GALNT3: variants seen among roughly 807,000 people sequenced by gnomAD.
GALNT3 encodes the protein GalNAc transferase 3.
In GALNT3, 51 loss-of-function variants were observed where a neutral mutation model predicts 69.8. That is an observed-to-expected ratio of 0.73 (90% CI 0.58 to 0.92). GALNT3 has a LOEUF of 0.92. Among genes scored for constraint, GALNT3 ranks in the 40% least tolerant of loss-of-function variants. The pLI is 0.00. For synonymous variants in GALNT3, 265 were observed against 248.5 expected, an observed-to-expected ratio of 1.07 and a Z score of -0.63; for missense variants, 711 against 760.0, an observed-to-expected ratio of 0.94 and a Z score of 0.76.
intron 1 of GALNT3, among the ~76,000 whole-genome samples, chr2:165,784,016 C>A (rs1683168197): frequency 6.6e-6 from 1 of 152,166 alleles, no homozygotes; most frequent in Non-Finnish European, 1.5e-5. Context: ...ATGGTTAAGG[C>A]ACAAGAAAAG....
chr2:165,764,998 C>T lies in GALNT3; in HGVS notation c.574G>A (p.Val192Ile). 6.2e-7 allele frequency: 1 copy of T among 1,614,170 alleles called. No individual in the cohort carries two copies. Among genetic ancestry groups the T allele is most frequent in the South Asian group, 1.1e-5 (1 of 91,088 alleles). Residue 192 changes from valine (V) to isoleucine (I), a missense_variant, in exon 3 of 11, where the codon GTT becomes ATT. Coordinates refer to ENST00000392701, the MANE Select transcript of GALNT3 (RefSeq NM_004482.4). ...PPLPTTSVII[V>I]FHNEAWSTLL... ...GTGGACCACGCTTCATTATGAAAAACTATTATGACACTGGTGGTGGGCAGG... is the reference window on the plus strand; with the variant it reads ...GTGGACCACGCTTCATTATGAAAAATTATTATGACACTGGTGGTGGGCAGG...
At position 165,748,675 on chromosome 2, in the gene GALNT3, G is replaced by T; in HGVS notation, c.*106C>A. ...AATAAGAAAAATGCACTTGGAATAA[G>T]TTACATTTAGCTGCTTTTGCATAAT... On this transcript the variant is annotated 3_prime_UTR_variant, in exon 11 of 11. Transcript: ENST00000392701. The T allele has an allele frequency of 9.6e-7, 1 of 1,040,110 alleles. No individual in the cohort carries two copies. The highest frequency in any genetic ancestry group is 1.4e-6 in the Non-Finnish European group (1 of 701,666). 64.4% of individuals were successfully genotyped at this position (1,040,110 alleles called of 1,614,324 possible).
At chr2:165,776,683 T>C (rs1010111543) in intron 1 of GALNT3, among the ~76,000 whole-genome samples, 4 of 152,142 alleles carry the variant, frequency 2.6e-5, no homozygotes, top group African/African-American at 9.7e-5. Context: ...TTGCAAAAAG[T>C]CATTAATAAA....
chr2:165,775,248 G>A (rs1409410632), intron 1 of GALNT3, among the ~76,000 whole-genome samples: 8 of 151,470 alleles, frequency 5.3e-5, no homozygotes, highest in Non-Finnish European at 1.2e-4. Context: ...TAAATAAAAG[G>A]CGATAAGAAA....
intron 2 of GALNT3, among the ~76,000 whole-genome samples, chr2:165,769,407 A>AAATAATAATAATAAT (rs35161167): frequency 8.4e-4 from 111 of 131,384 alleles, no homozygotes; most frequent in Non-Finnish European, 9.6e-4. Context: ...CTCCATCTCA[A>AAATAATAATAATAAT]AATAATAATA....
At chr2:165,752,122 C>T (rs1471716240) in intron 9 of GALNT3, among the ~76,000 whole-genome samples, 1 of 152,108 alleles carries the variant, frequency 6.6e-6, no homozygotes, top group South Asian at 2.1e-4. Flanking sequence ...AATGCCCCGA[C>T]CTCATTTCCT....
chr2:165,753,753 A>G (rs1217055411), intron 9 of GALNT3, among the ~76,000 whole-genome samples: 1 of 152,250 alleles, frequency 6.6e-6, no homozygotes, highest in African/African-American at 2.4e-5. Flanking sequence ...AATATTTGAC[A>G]TGTGAATCTT....
chr2:165,769,569 C>CA (rs2105418936), intron 2 of GALNT3, among the ~76,000 whole-genome samples: 1 of 151,960 alleles, frequency 6.6e-6, no homozygotes, highest in African/African-American at 2.4e-5. Flanking sequence ...GCCTGGGCAA[C>CA]ATGGTGAAAC....
intron 5 of GALNT3, 39 bp downstream of exon 5, chr2:165,759,297 T>C (rs770369057): frequency 2.0e-6 from 3 of 1,480,728 alleles, no homozygotes; most frequent in Non-Finnish European, 2.8e-6. Flanking sequence ...ATGTATGGTA[T>C]AGGGTGTAAA....
At chr2:165,760,459 A>G (rs1453580553) in intron 4 of GALNT3, among the ~76,000 whole-genome samples, 1 of 152,170 alleles carries the variant, frequency 6.6e-6, no homozygotes, top group African/African-American at 2.4e-5. Context: ...GCTCCCCACA[A>G]AGCAGTATTT....
chr2:165,766,739 G>T (rs978030917), intron 2 of GALNT3, among the ~76,000 whole-genome samples: 1 of 71,286 alleles, frequency 1.4e-5, no homozygotes, highest in Non-Finnish European at 4.2e-5. Context: ...GTGATATTAG[G>T]GGCCTGAGAA....
intron 1 of GALNT3, among the ~76,000 whole-genome samples, chr2:165,786,485 C>T (rs542448703): frequency 4.6e-5 from 7 of 152,182 alleles, no homozygotes; most frequent in Admixed American, 1.3e-4. Flanking sequence ...TAAAATGATG[C>T]AGTACTTGGA....
intron 1 of GALNT3, 81 bp from the exon 2 acceptor site, chr2:165,770,889 T>A: frequency 1.8e-6 from 1 of 549,974 alleles, no homozygotes; most frequent in Non-Finnish European, 3.1e-6. Context: ...AACCAACAAC[T>A]GAACATAAGC....
chr2:165,769,149 T>C (rs1486771847), intron 2 of GALNT3, among the ~76,000 whole-genome samples: 2 of 144,458 alleles, frequency 1.4e-5, no homozygotes, highest in East Asian at 2.3e-4. Flanking sequence ...CTCACGCCTG[T>C]AATCCCAGCA....
At chr2:165,779,312 C>T (rs951799380) in intron 1 of GALNT3, among the ~76,000 whole-genome samples, 9 of 152,160 alleles carry the variant, frequency 5.9e-5, no homozygotes, top group Non-Finnish European at 8.8e-5. Context: ...TATTACAGAG[C>T]AGGCTAATAC....
At chr2:165,777,717 G>A (rs1298729567) in intron 1 of GALNT3, among the ~76,000 whole-genome samples, 1 of 152,178 alleles carries the variant, frequency 6.6e-6, no homozygotes, top group African/African-American at 2.4e-5. Context: ...CTGATGCAAA[G>A]CAAACTGCAT....
At chr2:165,789,544 C>T (rs193018253) in intron 1 of GALNT3, among the ~76,000 whole-genome samples, 14 of 152,252 alleles carry the variant, frequency 9.2e-5, no homozygotes, top group Admixed American at 5.9e-4. Context: ...TGGTAGTACA[C>T]ATTTATGATT....
rs192147651 is a variant in GALNT3, at chr2:165,773,961, A to G, written c.-108-3153T>C. On this transcript the variant is annotated intron_variant, in intron 1 of 10. Coordinates refer to ENST00000392701, the MANE Select transcript of GALNT3 (RefSeq NM_004482.4). Reference sequence around the variant, plus strand: ...CTGGCCTAATGGGCTTTAGTGAAAAATGAGAAGAGAACCTTGGCAGAGAGA... The same window carrying G: ...CTGGCCTAATGGGCTTTAGTGAAAAGTGAGAAGAGAACCTTGGCAGAGAGA... Among the ~76,000 whole-genome samples, 12 of 152,310 alleles carry G rather than the reference A, an allele frequency of 7.9e-5. No homozygotes were observed. In the East Asian group the frequency reaches 1.7e-3, roughly 22 times the overall value.
At chr2:165,771,621 A>C (rs1431337747) in intron 1 of GALNT3, 1 of 152,190 alleles carries the variant, frequency 6.6e-6, no homozygotes, top group African/African-American at 2.4e-5. Context: ...ATATGGGACA[A>C]CAGGAGCAAA....
Sources: gnomAD v4.1 joint callset for allele counts (sites outside exome capture counted in the v4.1 genomes callset) on GRCh38, gnomAD v4.1.1 for gene constraint, MANE v1.5 for transcripts, NCBI Gene and HGNC (gene_info 2026-07-23, HGNC 2026-07-21) for gene names.